Variants in CIBAR1 observed in about 807,000 individuals in gnomAD.
CIBAR1 encodes CBY1 interacting BAR domain containing 1.
A neutral mutation model predicts 44.0 loss-of-function variants in CIBAR1; 25 were observed. The observed-to-expected ratio is 0.57, with a 90% CI of 0.41 to 0.79. The LOEUF (loss-of-function observed/expected upper bound fraction) is 0.79, where lower values mean the gene tolerates loss of function less well. Among genes scored for constraint, CIBAR1 ranks in the 30% least tolerant of loss-of-function variants. CIBAR1 has a pLI of 0.00. For missense variants in CIBAR1, 278 were observed against 344.8 expected (o/e 0.81, Z 1.53); for synonymous variants, 115 against 119.0 (o/e 0.97, Z 0.22).
At chr8:93,701,488 A>G (rs1398189424) in intron 2 of CIBAR1, 30 bp downstream of exon 2, 1 of 1,582,738 alleles carries the variant, frequency 6.3e-7, no homozygotes. Flanking sequence ...TGTCATTGTT[A>G]TGAATGAGCC....
intron 7 of CIBAR1, among the ~76,000 whole-genome samples, chr8:93,723,329 T>C (rs1295592471): frequency 1.3e-5 from 2 of 152,136 alleles, no homozygotes; most frequent in Non-Finnish European, 2.9e-5. Flanking sequence ...TACCAGGATG[T>C]CAGTGGTCCA....
chr8:93,709,968 T>A, intron 6 of CIBAR1, 93 bp downstream of exon 6: 2 of 868,748 alleles, frequency 2.3e-6, no homozygotes, highest in Non-Finnish European at 3.6e-6. Context: ...TTTTAGCCCA[T>A]AATACCCCTT....
intron 8 of CIBAR1, among the ~76,000 whole-genome samples, chr8:93,727,590 G>T (rs1387501676): frequency 6.6e-6 from 1 of 152,150 alleles, no homozygotes; most frequent in Non-Finnish European, 1.5e-5. Flanking sequence ...GCAGATATTA[G>T]CATCCCCCGC....
intron 3 of CIBAR1, among the ~76,000 whole-genome samples, chr8:93,704,579 T>C (rs1216816928): frequency 6.6e-6 from 1 of 152,206 alleles, no homozygotes; most frequent in Admixed American, 6.5e-5. Flanking sequence ...ATAAAATTCT[T>C]CCATTTTAAG....
At chr8:93,703,724 A>C (rs1810463613) in intron 3 of CIBAR1, 36 bp downstream of exon 3, 5 of 1,503,808 alleles carry the variant, frequency 3.3e-6, no homozygotes, top group Non-Finnish European at 4.5e-6. Flanking sequence ...ACTGTGAGTT[A>C]CTCTGGCAAA....
At chr8:93,704,855 A>G (rs1392225616) in intron 3 of CIBAR1, 54 bp from the exon 4 acceptor site, 2 of 1,089,372 alleles carry the variant, frequency 1.8e-6, no homozygotes, top group Non-Finnish European at 1.3e-6. Flanking sequence ...CATTCTTAAA[A>G]CTGAATTTTC....
chr8:93,710,521 A>G (rs1810781342), intron 6 of CIBAR1, among the ~76,000 whole-genome samples: 1 of 151,994 alleles, frequency 6.6e-6, no homozygotes, highest in Admixed American at 6.6e-5. Context: ...CAGCAACTCC[A>G]TGAGGATGAG....
At position 93,705,057 on chromosome 8, in the gene CIBAR1, T is replaced by A. The variant is rs769685857; in HGVS notation, c.432+47T>A. 22 of 1,240,068 alleles carry A rather than the reference T, an allele frequency of 1.8e-5. No individual in the cohort carries two copies. In the South Asian group the frequency reaches 2.3e-4, roughly 13 times the overall value. 76.8% of individuals were successfully genotyped at this position (1,240,068 alleles called of 1,614,324 possible). A position where few individuals can be genotyped will look rare whatever the true frequency, so the allele number is the denominator to read the frequency against. On this transcript the variant is annotated intron_variant, in intron 4 of 8. Transcript: ENST00000518322. The stretch of plus-strand genomic sequence containing the variant: ...TTAAAAAAATGTTTAAGGTATGGAG[T>A]ACAAAAGTAAATGTATATAGAAATT...
intron 8 of CIBAR1, among the ~76,000 whole-genome samples, chr8:93,727,961 T>C (rs1811605498): frequency 6.6e-6 from 1 of 152,160 alleles, no homozygotes; most frequent in Non-Finnish European, 1.5e-5. Context: ...TTTTGAAGTA[T>C]TGATGGCTAT....
chr8:93,718,583 T>C (rs1418109095), intron 6 of CIBAR1, 92 bp from the exon 7 acceptor site: 10 of 627,834 alleles, frequency 1.6e-5, no homozygotes, highest in East Asian at 3.0e-5. Flanking sequence ...CTGTATTTTA[T>C]AAAATACCAA....
chr8:93,704,432 C>G (rs1810496110), intron 3 of CIBAR1, among the ~76,000 whole-genome samples: 1 of 152,168 alleles, frequency 6.6e-6, no homozygotes, highest in Non-Finnish European at 1.5e-5. Flanking sequence ...GTTTGCACTC[C>G]TATGAGAATC....
rs1432609901 is a variant in CIBAR1, at chr8:93,730,198, C to A, written c.*1901C>A. The A allele has an allele frequency of 6.6e-6, 1 of 152,140 alleles. No individual in the cohort carries two copies. The highest frequency in any genetic ancestry group is 2.4e-5 in the African/African-American group (1 of 41,410). The allele number at this position is 152,140 out of a possible 1,614,324, so 9.4% of individuals were successfully genotyped here. A position where few individuals can be genotyped will look rare whatever the true frequency, so the allele number is the denominator to read the frequency against. ...TACATAATTATACATCATATAGTAT[C>A]TAATACAGCTCAATAAACAACAGCT... On this transcript the variant is annotated 3_prime_UTR_variant, in exon 9 of 9. Coordinates refer to ENST00000518322, the MANE Select transcript of CIBAR1 (RefSeq NM_145269.5).
chr8:93,709,274 C>G (rs1563642405), intron 5 of CIBAR1, among the ~76,000 whole-genome samples: 1 of 151,726 alleles, frequency 6.6e-6, no homozygotes, highest in Admixed American at 6.6e-5. Flanking sequence ...GAGCAAAACT[C>G]TATCTCAAAA....
intron 7 of CIBAR1, among the ~76,000 whole-genome samples, chr8:93,724,046 A>T (rs1018698648): frequency 6.6e-6 from 1 of 152,162 alleles, no homozygotes. Flanking sequence ...AGCCTGGGCA[A>T]CATAGCGAGA....
chr8:93,710,279 C>T (rs1810769921), intron 6 of CIBAR1, among the ~76,000 whole-genome samples: 1 of 151,750 alleles, frequency 6.6e-6, no homozygotes, highest in South Asian at 2.1e-4. Context: ...AGAGCCAGAC[C>T]CTGCCCACCC....
chr8:93,718,622 T>C, intron 6 of CIBAR1, 53 bp from the exon 7 acceptor site: 1 of 1,044,956 alleles, frequency 9.6e-7, no homozygotes, highest in East Asian at 2.6e-5. Context: ...AGTTACTATA[T>C]TCATAAAGAA....
Position 93,700,595 on chromosome 8 carries a change from T to A in CIBAR1, c.-53T>A. 1.4e-6 allele frequency: 2 copies of A among 1,459,160 alleles called. No homozygotes were observed. Among genetic ancestry groups the A allele is most frequent in the Non-Finnish European group, 1.8e-6 (2 of 1,104,200 alleles). The allele number at this position is 1,459,160 out of a possible 1,614,324, so 90.4% of individuals were successfully genotyped here. On this transcript the variant is annotated 5_prime_UTR_variant, in exon 1 of 9. Coordinates refer to ENST00000518322, the MANE Select transcript of CIBAR1 (RefSeq NM_145269.5). ...CGCCCCAGCGCGCGCCCAGGCGCCT[T>A]GGAATCCCCGTCCTTGGGCCCCCGC...
Position 93,703,682 on chromosome 8 carries a change from GA to G in CIBAR1, c.327del (p.Lys109AsnfsTer19). The part of the protein sequence containing the change: ...LKTYGTIVKM[K>X]RDDLKATLTA... ...AAACTTATGGGACCATTGTGAAAAT[GA>G]AACGGGTAAGTAAATCCATTTTCTC... On this transcript the variant is annotated frameshift_variant, in exon 3 of 9. Transcript: ENST00000518322. LOFTEE classifies it high-confidence loss of function. The G allele has an allele frequency of 6.4e-7, 1 of 1,552,102 alleles. No individual in the cohort carries two copies. The highest frequency in any genetic ancestry group is 8.7e-7 in the Non-Finnish European group (1 of 1,147,346).
intron 8 of CIBAR1, among the ~76,000 whole-genome samples, chr8:93,727,806 C>T (rs1811594900): frequency 6.6e-6 from 1 of 152,198 alleles, no homozygotes; most frequent in Non-Finnish European, 1.5e-5. Flanking sequence ...TTAAATCACA[C>T]TACTTTTACA....
Sources: allele counts gnomAD v4.1 joint callset (sites outside exome capture counted in the v4.1 genomes callset), GRCh38; gene constraint gnomAD v4.1.1; transcripts MANE v1.5; gene names NCBI Gene and HGNC (gene_info 2026-07-23, HGNC 2026-07-21).